The following ADCK1 variants were observed in gnomAD, a reference collection of about 807,000 sequenced individuals.
ADCK1 encodes the protein aarF domain-containing protein kinase 1.
A neutral mutation model predicts 52.3 loss-of-function variants in ADCK1; 41 were observed. The observed-to-expected ratio is 0.78, with a 90% confidence interval of 0.61 to 1.02. ADCK1 has a LOEUF of 1.02. Ranked by LOEUF, ADCK1 falls within the 50% of genes least tolerant of loss-of-function variation. The pLI is 0.00. For synonymous variants in ADCK1, 250 were observed against 274.6 expected, an observed-to-expected ratio of 0.91 and a Z score of 0.89; for missense variants, 658 against 679.5, an observed-to-expected ratio of 0.97 and a Z score of 0.35.
At chr14:77,809,432 C>T (rs564610962) in intron 1 of ADCK1, among the ~76,000 whole-genome samples, 4 of 152,156 alleles carry the variant, frequency 2.6e-5, no homozygotes, top group East Asian at 3.9e-4. Context: ...CGGGTTCAAG[C>T]GATTCTCTTG....
chr14:77,813,417 TCTC>T (rs1265174997), intron 1 of ADCK1, among the ~76,000 whole-genome samples: 1 of 152,194 alleles, frequency 6.6e-6, no homozygotes, highest in African/African-American at 2.4e-5. Flanking sequence ...TTCAAGCAAT[TCTC>T]CTGCCTCAGC....
rs10581300 is a variant in ADCK1 at position 77,839,918 on chromosome 14, CAAAAAAAAAAAAAAA to C, written c.219+17410_219+17424del. On this transcript the variant is annotated intron_variant, in intron 3 of 10. Transcript: ENST00000238561. ...TGGGGGACAGAGTGAGACCCTGTCT[CAAAAAAAAAAAAAAA>C]AAAAAAAAAGGAAAAAAGAAGTAGG... is the stretch of plus-strand genomic sequence containing the variant. 0.014 allele frequency among the ~76,000 whole-genome samples: 977 copies of C among 69,758 alleles called. 60 individuals carry two copies. In the Admixed American group the frequency reaches 0.15, roughly 11 times the overall value. 45.8% of individuals were successfully genotyped at this position (69,758 alleles called of 152,430 possible).
At chr14:77,827,886 T>C (rs1197844614) in intron 3 of ADCK1, 3 of 409,166 alleles carry the variant, frequency 7.3e-6, no homozygotes, top group Non-Finnish European at 1.4e-5. Context: ...TGGAGTGCAT[T>C]GGCGTGATCT....
chr14:77,828,917 T>C lies in ADCK1; in HGVS notation c.219+6399T>C, dbSNP rs763184922. Among the ~76,000 whole-genome samples, 8 of 151,448 alleles carry C rather than the reference T, an allele frequency of 5.3e-5. 1 individual carries two copies. The highest frequency in any genetic ancestry group is 1.2e-4 in the Non-Finnish European group (8 of 67,680). On this transcript the variant is annotated intron_variant, in intron 3 of 10. Transcript: ENST00000238561. The stretch of plus-strand genomic sequence containing the variant: ...TATATAATCCAGACAATACTTTTCC[T>C]TTATATCCAAAACAATCATTATTTT...
At chr14:77,931,021 A>G (rs1289035432) in intron 9 of ADCK1, among the ~76,000 whole-genome samples, 1 of 152,148 alleles carries the variant, frequency 6.6e-6, no homozygotes, top group African/African-American at 2.4e-5. Context: ...CACAGGTGGG[A>G]TGAGACTGGC....
intron 9 of ADCK1, among the ~76,000 whole-genome samples, chr14:77,929,124 G>C (rs2084263907): frequency 6.6e-6 from 1 of 152,224 alleles, no homozygotes; most frequent in Non-Finnish European, 1.5e-5. Flanking sequence ...CTCCAGGTCA[G>C]CCTGGTCTCA....
chr14:77,896,709 G>T (rs1056750317), intron 5 of ADCK1, among the ~76,000 whole-genome samples: 1 of 152,196 alleles, frequency 6.6e-6, no homozygotes, highest in Non-Finnish European at 1.5e-5. Flanking sequence ...TACAGTCCAG[G>T]CCTCTCTGTT....
chr14:77,920,455 A>G (rs995800364), intron 7 of ADCK1, among the ~76,000 whole-genome samples: 1 of 152,190 alleles, frequency 6.6e-6, no homozygotes, highest in Non-Finnish European at 1.5e-5. Flanking sequence ...CCATCGGTCT[A>G]CGTGCTTATT....
intron 6 of ADCK1, among the ~76,000 whole-genome samples, chr14:77,903,608 T>C (rs1407473777): frequency 6.6e-6 from 1 of 152,154 alleles, no homozygotes; most frequent in African/African-American, 2.4e-5. Context: ...GTAGGGTTTG[T>C]GACTCACCTG....
rs2084391798 is a variant in ADCK1, at chr14:77,933,559, C to T, written c.*168C>T. 2.6e-6 allele frequency: 2 copies of T among 772,022 alleles called. No individual in the cohort carries two copies. The highest frequency in any genetic ancestry group is 5.3e-5 in the Admixed American group (2 of 37,442). The allele number at this position is 772,022 out of a possible 1,614,324, so 47.8% of individuals were successfully genotyped here. A position where few individuals can be genotyped will look rare whatever the true frequency, so the allele number is the denominator to read the frequency against. On this transcript the variant is annotated 3_prime_UTR_variant, in exon 11 of 11. Transcript: ENST00000238561. Reference sequence around the variant, plus strand: ...TGGAATCCTCTCCGCACACTGTGGCCCTTGTCTCAGGGCCCACAAGCTGAA... The same window carrying T: ...TGGAATCCTCTCCGCACACTGTGGCTCTTGTCTCAGGGCCCACAAGCTGAA...
chr14:77,873,511 GTGGAGAACTGGACT>G (rs1217015844), intron 4 of ADCK1, among the ~76,000 whole-genome samples: 4 of 152,208 alleles, frequency 2.6e-5, no homozygotes, highest in African/African-American at 4.8e-5. Context: ...CTGACCCCAG[GTGGAGAACTGGACT>G]TGAGTATGTA....
chr14:77,866,926 C>T (rs113466358), intron 4 of ADCK1, among the ~76,000 whole-genome samples: 2,225 of 152,258 alleles, frequency 0.015, 27 homozygotes, highest in South Asian at 0.023. Flanking sequence ...CTGCAGCCCC[C>T]GCAGGGGAGA....
At chr14:77,826,205 T>G (rs2081701504) in intron 3 of ADCK1, among the ~76,000 whole-genome samples, 1 of 152,232 alleles carries the variant, frequency 6.6e-6, no homozygotes, top group South Asian at 2.1e-4. Context: ...GGGAGCTGGC[T>G]GGCACTAAGA....
At position 77,933,509 on chromosome 14, in the gene ADCK1, C is replaced by A; in HGVS notation, c.*118C>A. On this transcript the variant is annotated 3_prime_UTR_variant, in exon 11 of 11. Transcript: ENST00000238561. ...TGGCCCGCAGCCCCAGAGTCACTGT[C>A]CATGTCACCATCCTTCTCCTCCTTT... 1 of 1,250,298 alleles carries A rather than the reference C, an allele frequency of 8.0e-7. No individual in the cohort carries two copies. Among genetic ancestry groups the A allele is most frequent in the South Asian group, 1.4e-5 (1 of 73,800 alleles). The allele number at this position is 1,250,298 out of a possible 1,614,324, so 77.5% of individuals were successfully genotyped here. A position where few individuals can be genotyped will look rare whatever the true frequency, so the allele number is the denominator to read the frequency against.
intron 3 of ADCK1, among the ~76,000 whole-genome samples, chr14:77,852,701 A>T (rs2082325236): frequency 1.0e-5 from 1 of 96,296 alleles, no homozygotes; most frequent in Non-Finnish European, 2.1e-5. Flanking sequence ...ATATATATAT[A>T]TATTTCACTC....
chr14:77,859,054 G>C, intron 3 of ADCK1, 22 bp from the exon 4 acceptor site: 1 of 1,580,738 alleles, frequency 6.3e-7, no homozygotes, highest in Non-Finnish European at 8.6e-7. Context: ...CACCTCTCTG[G>C]TCCTGGCCTG....
chr14:77,835,761 G>T (rs996970303), intron 3 of ADCK1, among the ~76,000 whole-genome samples: 1 of 152,064 alleles, frequency 6.6e-6, no homozygotes, highest in Non-Finnish European at 1.5e-5. Flanking sequence ...TTAGCCTCCC[G>T]AATAGCTGGG....
chr14:77,838,128 A>G (rs1018248640), intron 3 of ADCK1, among the ~76,000 whole-genome samples: 1 of 152,204 alleles, frequency 6.6e-6, no homozygotes, highest in Non-Finnish European at 1.5e-5. Context: ...CTACCAAATT[A>G]AAATCCACTC....
intron 3 of ADCK1, among the ~76,000 whole-genome samples, chr14:77,852,898 TATATA>T (rs2082334925): frequency 7.1e-5 from 3 of 42,236 alleles, no homozygotes; most frequent in African/African-American, 3.5e-4. Flanking sequence ...TATATATATA[TATATA>T]TATATTTTTT....
Sources: allele counts gnomAD v4.1 joint callset (sites outside exome capture counted in the v4.1 genomes callset), GRCh38; gene constraint gnomAD v4.1.1; transcripts MANE v1.5; gene names NCBI Gene and HGNC (gene_info 2026-07-23, HGNC 2026-07-21).